The following ARHGEF9 variants were observed in gnomAD, a reference collection of about 807,000 sequenced individuals.
The protein encoded by ARHGEF9 is rho guanine nucleotide exchange factor 9.
ARHGEF9 carries 2 observed loss-of-function variants against 41.3 expected under a neutral mutation model. The observed-to-expected ratio is 0.05, with a 90% confidence interval of 0.02 to 0.15. The LOEUF (loss-of-function observed/expected upper bound fraction) is 0.15. ARHGEF9 is among the 10% of genes least tolerant of loss of function. The pLI is 1.00. For synonymous variants in ARHGEF9, 160 were observed against 154.4 expected (o/e 1.04, Z -0.27); for missense variants, 225 against 424.7 (o/e 0.53, Z 4.13).
chrX:63,646,065 T>TTGA (rs1556313608), intron 8 of ARHGEF9, among the ~76,000 whole-genome samples: 1 of 111,779 alleles, frequency 8.9e-6, no homozygotes, highest in Non-Finnish European at 1.9e-5. Context: ...CACCCACTTG[T>TTGA]TGATGGGGTT....
At chrX:63,767,751 C>T (rs1345213388) in intron 1 of ARHGEF9, among the ~76,000 whole-genome samples, 1 of 112,049 alleles carries the variant, frequency 8.9e-6, no homozygotes, top group Non-Finnish European at 1.9e-5. Context: ...AACCTTATTC[C>T]TGGTACCCCT....
At chrX:63,682,133 C>CAATAAATAAATA (rs572010099) in intron 4 of ARHGEF9, among the ~76,000 whole-genome samples, 4 of 101,524 alleles carry the variant, frequency 3.9e-5, no homozygotes, top group Non-Finnish European at 6.0e-5. Context: ...TTAAACTCTT[C>CAATAAATAAATA]AATAAATAAA....
rs183453752 is a variant in ARHGEF9, at chrX:63,759,275, T to A, written c.30+25841A>T. Reference sequence around the variant, plus strand: ...AATCAACTTTGCTCACAATTTTTTTTAATGGAGTCCTCTACATTTGGAGTA... The same window carrying A: ...AATCAACTTTGCTCACAATTTTTTTAAATGGAGTCCTCTACATTTGGAGTA... On this transcript the variant is annotated intron_variant, in intron 1 of 9. Transcript: ENST00000671741. Among the ~76,000 whole-genome samples the A allele has an allele frequency of 2.3e-3, 253 of 111,317 alleles. 1 individual carries two copies. Among genetic ancestry groups the A allele is most frequent in the African/African-American group, 7.7e-3 (237 of 30,598 alleles).
intron 2 of ARHGEF9, among the ~76,000 whole-genome samples, chrX:63,716,982 T>C (rs2053346759): frequency 8.9e-6 from 1 of 112,362 alleles, no homozygotes; most frequent in Non-Finnish European, 1.9e-5. Context: ...TTACTTTATA[T>C]AAATATGGGA....
Position 63,638,611 on chromosome X carries a change from G to T in ARHGEF9, c.1391-402C>A, listed in dbSNP as rs781957898. On this transcript the variant is annotated intron_variant, in intron 9 of 9. Transcript: ENST00000671741. ...AGACACCAGAATCCCTTATGCAGGG[G>T]TTGGTCCTGCAAAGAACCCAACAAA... is the stretch of plus-strand genomic sequence containing the variant. 1.9e-5 allele frequency: 6 copies of T among 314,864 alleles called. No homozygotes were observed. The South Asian group carries it at 8.0e-4, about 42-fold the overall frequency. The allele number at this position is 314,864 out of a possible 1,213,427, so 25.9% of individuals were successfully genotyped here.
intron 4 of ARHGEF9, among the ~76,000 whole-genome samples, chrX:63,682,891 G>C (rs1265383803): frequency 9.0e-5 from 10 of 111,413 alleles, no homozygotes; most frequent in Non-Finnish European, 1.7e-4. Context: ...AATCAATGGT[G>C]AAAAATGGAA....
At chrX:63,735,434 A>C (rs1709958966) in intron 1 of ARHGEF9, among the ~76,000 whole-genome samples, 1 of 111,621 alleles carries the variant, frequency 9.0e-6, no homozygotes. Flanking sequence ...TCAACACCAC[A>C]GGCAGAGGGT....
At position 63,724,643 on chromosome X, in the gene ARHGEF9, C is replaced by G; in HGVS notation, c.99G>C (p.Glu33Asp). ...TGACGTCGCCAGCTTTAAATGCCAA[C>G]TCCCGGTTGGCCATGGTGACGTGAT... is the stretch of plus-strand genomic sequence containing the variant. ...VWDHVTMANRELAFKAGDVIK... is the reference protein window; with the variant it reads ...VWDHVTMANRDLAFKAGDVIK... Residue 33 changes from glutamate to aspartate, a missense_variant, in exon 2 of 10, where the codon GAG becomes GAC. Glu to Asp is a conservative substitution (Grantham distance 45). Transcript: ENST00000671741. 2 of 1,211,539 alleles carry G rather than the reference C, an allele frequency of 1.7e-6. No homozygotes were observed. Among genetic ancestry groups the G allele is most frequent in the Non-Finnish European group, 2.2e-6 (2 of 895,429 alleles).
rs1254671153 is a variant in ARHGEF9, at chrX:63,672,046, G to C, written c.945+1992C>G. 1.2e-4 allele frequency among the ~76,000 whole-genome samples: 13 copies of C among 111,322 alleles called. No homozygotes were observed. The South Asian group carries it at 2.3e-3, about 20-fold the overall frequency. On this transcript the variant is annotated intron_variant, in intron 6 of 9. Coordinates refer to ENST00000671741, the MANE Select transcript of ARHGEF9 (RefSeq NM_001353921.2). ...GTTGAAACATAATCTCTACTGTGAT[G>C]GTATTTGGAGGTAAGGCCTTGGGGG... is the stretch of plus-strand genomic sequence containing the variant.
At chrX:63,720,936 C>T (rs1304624560) in intron 2 of ARHGEF9, among the ~76,000 whole-genome samples, 1 of 111,908 alleles carries the variant, frequency 8.9e-6, no homozygotes, top group Non-Finnish European at 1.9e-5. Flanking sequence ...TCCACTATAT[C>T]CCACTCTAAT....
intron 1 of ARHGEF9, chrX:63,755,163 G>C: frequency 1.1e-6 from 1 of 938,711 alleles, no homozygotes; most frequent in Non-Finnish European, 1.3e-6. Flanking sequence ...TTCACCGAGC[G>C]ACTGCGGGCG....
chrX:63,686,355 C>A (rs782082860), intron 4 of ARHGEF9, among the ~76,000 whole-genome samples: 1 of 110,564 alleles, frequency 9.0e-6, no homozygotes, highest in Non-Finnish European at 1.9e-5. Context: ...ATAACAGAGA[C>A]GGAAGTGTGA....
intron 1 of ARHGEF9, among the ~76,000 whole-genome samples, chrX:63,739,523 G>T (rs2054824400): frequency 9.0e-6 from 1 of 111,163 alleles, no homozygotes; most frequent in Non-Finnish European, 1.9e-5. Context: ...GGAATTCATT[G>T]GTGGCAGCCC....
chrX:63,755,899 G>T, intron 1 of ARHGEF9: 6 of 743,994 alleles, frequency 8.1e-6, no homozygotes, highest in Non-Finnish European at 9.5e-6. Context: ...CAATTTTCCA[G>T]CATTCTGGGT....
At position 63,635,022 on chromosome X, in the gene ARHGEF9, A is replaced by T. The variant is rs782103758; in HGVS notation, c.*3006T>A. On this transcript the variant is annotated 3_prime_UTR_variant, in exon 10 of 10. Transcript: ENST00000671741. ...AAATATTTTCATAAGGCTTTGTGTCATTACAACATTTTTTTTGTTAAACAT... is the reference window on the plus strand; with the variant it reads ...AAATATTTTCATAAGGCTTTGTGTCTTTACAACATTTTTTTTGTTAAACAT... 1 of 253,979 alleles carries T rather than the reference A, an allele frequency of 3.9e-6. No individual in the cohort carries two copies. The highest frequency in any genetic ancestry group is 2.9e-5 in the African/African-American group (1 of 33,978). 20.9% of individuals were successfully genotyped at this position (253,979 alleles called of 1,213,427 possible).
At chrX:63,695,294 T>C (rs1483687537) in intron 4 of ARHGEF9, among the ~76,000 whole-genome samples, 6 of 112,112 alleles carry the variant, frequency 5.4e-5, no homozygotes, top group Non-Finnish European at 1.1e-4. Flanking sequence ...TTCTGATATA[T>C]GTTGCTATAA....
At chrX:63,712,861 C>A (rs1306524897) in intron 2 of ARHGEF9, 1 of 111,706 alleles carries the variant, frequency 9.0e-6, no homozygotes, top group Non-Finnish European at 1.9e-5. Flanking sequence ...TTGTCAACCT[C>A]TCTCCTTGCA....
intron 1 of ARHGEF9, among the ~76,000 whole-genome samples, chrX:63,749,723 G>T (rs2055498859): frequency 8.9e-6 from 1 of 112,531 alleles, no homozygotes; most frequent in Non-Finnish European, 1.9e-5. Context: ...GAAAGGATGT[G>T]AAATTCCTTC....
intron 2 of ARHGEF9, among the ~76,000 whole-genome samples, chrX:63,706,778 A>G (rs2052574834): frequency 8.9e-6 from 1 of 112,456 alleles, no homozygotes; most frequent in African/African-American, 3.2e-5. Flanking sequence ...CTGTCAAAAC[A>G]CAGCATTTAT....
Sources: allele counts gnomAD v4.1 joint callset (sites outside exome capture counted in the v4.1 genomes callset), GRCh38; gene constraint gnomAD v4.1.1; transcripts MANE v1.5; gene names NCBI Gene and HGNC (gene_info 2026-07-23, HGNC 2026-07-21).